The following ASAP1 variants were observed in gnomAD, a reference collection of about 807,000 sequenced individuals.
ASAP1 encodes the protein ArfGAP with SH3 domain, ankyrin repeat and PH domain 1.
ASAP1 carries 43 observed loss-of-function variants against 145.2 expected under a neutral mutation model. The ratio of observed to expected loss-of-function variants is 0.30; its 90% CI spans 0.23 to 0.38. ASAP1 has a LOEUF of 0.38. Among genes scored for constraint, ASAP1 ranks in the 10% least tolerant of loss-of-function variants. ASAP1 has a pLI of 1.00. For synonymous variants in ASAP1, 546 were observed against 515.5 expected (o/e 1.06, Z -0.80); for missense variants, 1,018 against 1,355.3 (o/e 0.75, Z 3.91).
In ASAP1 at chr8:130,111,712, A is replaced by G. The variant is rs2135582628; in HGVS notation, c.2401+382T>C. On this transcript the variant is annotated intron_variant, in intron 24 of 29. Transcript: ENST00000518721. ...TGAAACTCCACTCCACATTATAAAA[A>G]GTACAGGTTCTGGAGCCACGTGGAC... is the stretch of plus-strand genomic sequence containing the variant. 1.3e-5 allele frequency among the ~76,000 whole-genome samples: 2 copies of G among 152,342 alleles called. 1 individual carries two copies. The highest frequency in any genetic ancestry group is 4.8e-5 in the African/African-American group (2 of 41,580).
intron 5 of ASAP1, among the ~76,000 whole-genome samples, chr8:130,213,556 A>G (rs1395222992): frequency 1.3e-5 from 2 of 152,192 alleles, no homozygotes; most frequent in African/African-American, 4.8e-5. Context: ...ACATCTTGAG[A>G]ATGAGTTCTG....
Position 130,060,983 on chromosome 8 carries a change from A to T in ASAP1, c.2788T>A (p.Leu930Met). The change falls in exon 28 of 30, where the codon TTG becomes ATG. Residue 930 changes from leucine to methionine, a missense_variant. Leu to Met is a conservative substitution (Grantham distance 15). Coordinates refer to ENST00000518721, the MANE Select transcript of ASAP1 (RefSeq NM_018482.4). The part of the protein sequence containing the change: ...IFQKSSQLAE[L>M]PQKPPPGDLP... ...TCTCCAGGTGGTGGCTTTTGTGGCA[A>T]CTCTGCCAACTGTGATGATTTCTGA... The T allele has an allele frequency of 6.3e-7, 1 of 1,585,774 alleles. No individual in the cohort carries two copies. Among genetic ancestry groups the T allele is most frequent in the Non-Finnish European group, 8.6e-7 (1 of 1,168,008 alleles).
chr8:130,260,317 G>GCT (rs1051284738), intron 3 of ASAP1, among the ~76,000 whole-genome samples: 1 of 152,072 alleles, frequency 6.6e-6, no homozygotes, highest in Non-Finnish European at 1.5e-5. Context: ...CCATAAATGA[G>GCT]CTCTGTGCCA....
intron 3 of ASAP1, among the ~76,000 whole-genome samples, chr8:130,242,042 A>G (rs1818558632): frequency 6.6e-6 from 1 of 152,016 alleles, no homozygotes; most frequent in Non-Finnish European, 1.5e-5. Flanking sequence ...AGATATGCCA[A>G]GGTAGCAGGG....
intron 26 of ASAP1, among the ~76,000 whole-genome samples, chr8:130,078,540 C>T (rs531326406): frequency 6.6e-6 from 1 of 152,244 alleles, no homozygotes; most frequent in South Asian, 2.1e-4. Flanking sequence ...CACACCTTGG[C>T]CTCCCAAAGT....
intron 29 of ASAP1, among the ~76,000 whole-genome samples, chr8:130,056,049 ATC>A (rs1410397075): frequency 1.3e-5 from 2 of 152,260 alleles, no homozygotes; most frequent in Non-Finnish European, 2.9e-5. Context: ...CCCCGCAGGT[ATC>A]TCTGCTGTAG....
intron 13 of ASAP1, among the ~76,000 whole-genome samples, chr8:130,143,181 T>C (rs541833870): frequency 6.6e-6 from 1 of 152,322 alleles, no homozygotes; most frequent in South Asian, 2.1e-4. Context: ...TAAATATAGT[T>C]ATGACACTTT....
chr8:130,091,834 T>A, intron 25 of ASAP1, 139 bp downstream of exon 25: 1 of 904,670 alleles, frequency 1.1e-6, no homozygotes, highest in African/African-American at 1.7e-5. Context: ...TAGAATCATG[T>A]CATATATACC....
intron 13 of ASAP1, among the ~76,000 whole-genome samples, chr8:130,140,018 CTTTT>C (rs2097606245): frequency 6.8e-6 from 1 of 146,604 alleles, no homozygotes; most frequent in Admixed American, 6.8e-5. Flanking sequence ...TCATTTCTTT[CTTTT>C]TCTTTCTCCT....
intron 3 of ASAP1, among the ~76,000 whole-genome samples, chr8:130,348,760 C>T (rs1273277050): frequency 6.6e-6 from 1 of 152,206 alleles, no homozygotes; most frequent in Non-Finnish European, 1.5e-5. Context: ...CTCAGTGCTT[C>T]AAACTGTAAT....
intron 29 of ASAP1, 29 bp from the exon 30 acceptor site, chr8:130,054,834 T>A (rs770574991): frequency 6.3e-7 from 1 of 1,597,412 alleles, no homozygotes; most frequent in Non-Finnish European, 8.6e-7. Context: ...GTGGTCAGGA[T>A]GGAGGCAGCA....
intron 1 of ASAP1, among the ~76,000 whole-genome samples, chr8:130,442,132 G>A (rs2138853228): frequency 6.6e-6 from 1 of 152,224 alleles, no homozygotes; most frequent in Admixed American, 6.5e-5. Flanking sequence ...TGAAATAAGT[G>A]CATATCTCAA....
intron 3 of ASAP1, among the ~76,000 whole-genome samples, chr8:130,347,973 C>T (rs1006012096): frequency 6.6e-6 from 1 of 152,084 alleles, no homozygotes; most frequent in African/African-American, 2.4e-5. Context: ...CAGCCTAACA[C>T]ACTTGGGGTT....
At chr8:130,104,531 T>C (rs2097533950) in intron 24 of ASAP1, among the ~76,000 whole-genome samples, 1 of 152,256 alleles carries the variant, frequency 6.6e-6, no homozygotes, top group Admixed American at 6.5e-5. Context: ...CAATGGAAAC[T>C]GGACACAGCA....
At chr8:130,180,649 T>C (rs1814290315) in intron 8 of ASAP1, 102 bp downstream of exon 8, 1 of 1,359,058 alleles carries the variant, frequency 7.4e-7, no homozygotes, top group African/African-American at 1.5e-5. Context: ...TCCTCTCTAA[T>C]AATCAAACAG....
intron 3 of ASAP1, among the ~76,000 whole-genome samples, chr8:130,332,002 C>A (rs1421042145): frequency 6.6e-6 from 1 of 152,142 alleles, no homozygotes; most frequent in Non-Finnish European, 1.5e-5. Flanking sequence ...ATGGAATACA[C>A]AAAATTACAG....
intron 24 of ASAP1, among the ~76,000 whole-genome samples, chr8:130,108,771 T>G (rs1227145201): frequency 6.8e-4 from 82 of 121,346 alleles, no homozygotes; most frequent in Middle Eastern, 4.0e-3. Context: ...TTTTTTTTTT[T>G]TTTTTTTTTT....
chr8:130,225,714 G>A (rs183183666), intron 4 of ASAP1, among the ~76,000 whole-genome samples: 2 of 152,316 alleles, frequency 1.3e-5, no homozygotes, highest in East Asian at 1.9e-4. Flanking sequence ...GACTTGGGGT[G>A]TGGACATTCA....
chr8:130,241,705 T>G (rs1818537686), intron 3 of ASAP1, among the ~76,000 whole-genome samples: 1 of 152,154 alleles, frequency 6.6e-6, no homozygotes, highest in Admixed American at 6.6e-5. Context: ...GTAGAAGAGA[T>G]ATGACTATAC....
Sources: gnomAD v4.1 joint callset for allele counts (sites outside exome capture counted in the v4.1 genomes callset) on GRCh38, gnomAD v4.1.1 for gene constraint, MANE v1.5 for transcripts, NCBI Gene and HGNC (gene_info 2026-07-23, HGNC 2026-07-21) for gene names.